Variants in ZPBP observed in about 807,000 individuals in gnomAD.
ZPBP encodes the protein zona pellucida-binding protein 1.
ZPBP carries 26 observed loss-of-function variants against 44.8 expected under a neutral mutation model. The ratio of observed to expected loss-of-function variants is 0.58; its 90% CI spans 0.43 to 0.81. The LOEUF (loss-of-function observed/expected upper bound fraction) is 0.81. Among genes scored for constraint, ZPBP ranks in the 30% least tolerant of loss-of-function variants. ZPBP has a pLI of 0.00. For missense variants in ZPBP, 409 were observed against 434.0 expected, an observed-to-expected ratio of 0.94 and a Z score of 0.51; for synonymous variants, 174 against 153.2, an observed-to-expected ratio of 1.14 and a Z score of -1.00.
At chr7:49,954,413 A>C (rs1186842425) in intron 7 of ZPBP, among the ~76,000 whole-genome samples, 1 of 152,182 alleles carries the variant, frequency 6.6e-6, no homozygotes, top group Non-Finnish European at 1.5e-5. Context: ...GACACCAAAA[A>C]CAAGGGTAAC....
chr7:49,860,335 G>T (rs890806680), intron 2 of ZPBP, among the ~76,000 whole-genome samples: 6 of 152,176 alleles, frequency 3.9e-5, no homozygotes, highest in Non-Finnish European at 5.9e-5. Flanking sequence ...TATTTCACAT[G>T]AGTAGACTCA....
intron 2 of ZPBP, among the ~76,000 whole-genome samples, chr7:49,890,046 G>C (rs760828510): frequency 7.2e-6 from 1 of 138,830 alleles, no homozygotes; most frequent in Non-Finnish European, 1.5e-5. Context: ...GAACACCAAG[G>C]CCTAATATTT....
At chr7:49,879,468 A>T (rs1791581022) in intron 2 of ZPBP, among the ~76,000 whole-genome samples, 1 of 152,194 alleles carries the variant, frequency 6.6e-6, no homozygotes, top group Non-Finnish European at 1.5e-5. Flanking sequence ...ATGTAATACA[A>T]CCTGGAACCA....
At chr7:49,937,439 G>T, downstream of ZPBP, 2 of 1,002,936 alleles carry the variant, frequency 2.0e-6, no homozygotes, top group African/African-American at 1.6e-5. Flanking sequence ...TGTAAAATAT[G>T]ATTAATTTTG....
chr7:49,900,689 C>G (rs903397300), intron 2 of ZPBP, among the ~76,000 whole-genome samples: 1 of 151,668 alleles, frequency 6.6e-6, no homozygotes, highest in Admixed American at 6.6e-5. Flanking sequence ...CAGGAAGCAC[C>G]GTGGACCCAG....
At chr7:49,934,053 TA>T (rs11461329), downstream of ZPBP, among the ~76,000 whole-genome samples, 61 of 142,818 alleles carry the variant, frequency 4.3e-4, no homozygotes, top group Middle Eastern at 3.7e-3. Flanking sequence ...AAAGTATAAT[TA>T]AAAAAAAAAA....
intron 6 of ZPBP, among the ~76,000 whole-genome samples, chr7:50,014,668 T>G (rs1335569530): frequency 6.6e-6 from 1 of 151,930 alleles, no homozygotes; most frequent in African/African-American, 2.4e-5. Flanking sequence ...TTTCTCCATG[T>G]TGGGCAGGCT....
intron 1 of ZPBP, among the ~76,000 whole-genome samples, chr7:49,909,691 G>T (rs1232040359): frequency 2.0e-5 from 3 of 152,194 alleles, no homozygotes; most frequent in Non-Finnish European, 4.4e-5. Context: ...AAGCGAGAAA[G>T]TACAATTGGA....
intron 1 of ZPBP, among the ~76,000 whole-genome samples, chr7:49,926,514 C>T (rs758218446): frequency 2.6e-5 from 4 of 152,190 alleles, no homozygotes; most frequent in Admixed American, 6.5e-5. Flanking sequence ...CTTGGTGGCA[C>T]CCTTGTCTCC....
At chr7:49,867,936 C>A (rs1329110170) in intron 2 of ZPBP, among the ~76,000 whole-genome samples, 3 of 151,862 alleles carry the variant, frequency 2.0e-5, no homozygotes, top group Non-Finnish European at 4.4e-5. Context: ...CAAGTTCAAG[C>A]AATTCTCCTG....
intron 5 of ZPBP, among the ~76,000 whole-genome samples, chr7:50,026,291 A>C (rs974277182): frequency 2.0e-5 from 3 of 151,910 alleles, no homozygotes; most frequent in Non-Finnish European, 2.9e-5. Flanking sequence ...GTCCCAAATT[A>C]TATGAAGAAA....
rs988616337 is a variant in ZPBP, at chr7:49,982,410, G to A, written c.961+932C>T. ...ATCACTGATTTTAAAAAGTTACAAAGTTAACAGTTGGAAGTCATTTGTTTA... is the reference window on the plus strand; with the variant it reads ...ATCACTGATTTTAAAAAGTTACAAAATTAACAGTTGGAAGTCATTTGTTTA... On this transcript the variant is annotated intron_variant, in intron 7 of 7. Coordinates refer to ENST00000046087, the MANE Select transcript of ZPBP (RefSeq NM_007009.3). Among the ~76,000 whole-genome samples the A allele has an allele frequency of 2.2e-5, 3 of 137,282 alleles. No homozygotes were observed. In the South Asian group the frequency reaches 6.6e-4, roughly 30 times the overall value. 90.1% of individuals were successfully genotyped at this position (137,282 alleles called of 152,430 possible). A position where few individuals can be genotyped will look rare whatever the true frequency, so the allele number is the denominator to read the frequency against.
intron 7 of ZPBP, among the ~76,000 whole-genome samples, chr7:49,981,414 AAT>A (rs1562819600): frequency 6.0e-5 from 2 of 33,582 alleles, no homozygotes; most frequent in Non-Finnish European, 1.1e-4. Flanking sequence ...AAATATATAT[AAT>A]ATATAATATA....
At chr7:50,054,843 T>C (rs1416763500) in intron 4 of ZPBP, among the ~76,000 whole-genome samples, 2 of 152,104 alleles carry the variant, frequency 1.3e-5, no homozygotes, top group African/African-American at 2.4e-5. Context: ...TCTCAGTAGC[T>C]ATTCAGACAC....
chr7:49,949,082 A>AAACACTG (rs1795221695), intron 7 of ZPBP, among the ~76,000 whole-genome samples: 2 of 152,118 alleles, frequency 1.3e-5, no homozygotes, highest in South Asian at 4.1e-4. Flanking sequence ...AACAGACCAG[A>AAACACTG]AACACTGCTA....
chr7:50,071,607 C>A (rs367630845), intron 3 of ZPBP, among the ~76,000 whole-genome samples: 22 of 152,230 alleles, frequency 1.4e-4, no homozygotes, highest in African/African-American at 5.3e-4. Flanking sequence ...CCAAAAGGCA[C>A]CCCTTCTTTC....
chr7:49,903,375 C>T (rs1263748788), intron 1 of ZPBP, among the ~76,000 whole-genome samples: 1 of 152,162 alleles, frequency 6.6e-6, no homozygotes, highest in Non-Finnish European at 1.5e-5. Flanking sequence ...AACTGTGGTA[C>T]AGCCATACCA....
At chr7:50,077,784 C>T (rs1332970456) in intron 3 of ZPBP, among the ~76,000 whole-genome samples, 1 of 151,876 alleles carries the variant, frequency 6.6e-6, no homozygotes, top group South Asian at 2.1e-4. Flanking sequence ...CCCTTGTACA[C>T]TGTTGATGGG....
At chr7:49,993,621 C>A (rs1012758436) in intron 6 of ZPBP, among the ~76,000 whole-genome samples, 1 of 152,042 alleles carries the variant, frequency 6.6e-6, no homozygotes, top group Non-Finnish European at 1.5e-5. Context: ...AAAAATCTTC[C>A]CATTCACTGA....
Sources: allele counts gnomAD v4.1 joint callset (sites outside exome capture counted in the v4.1 genomes callset), GRCh38; gene constraint gnomAD v4.1.1; transcripts MANE v1.5; gene names NCBI Gene and HGNC (gene_info 2026-07-23, HGNC 2026-07-21).